Variants in YJEFN3 observed in about 807,000 individuals in gnomAD.
YJEFN3 encodes the protein yjeF N-terminal domain-containing protein 3.
Under a neutral mutation model 31.5 loss-of-function variants are expected in YJEFN3, and 29 were observed. The ratio of observed to expected loss-of-function variants is 0.92; its 90% CI spans 0.69 to 1.26. YJEFN3 has a LOEUF of 1.26. YJEFN3 is among the 50% of genes most tolerant of loss of function. The pLI is 0.00. For synonymous variants in YJEFN3, 227 were observed against 196.1 expected (o/e 1.16, Z -1.32); for missense variants, 442 against 425.4 (o/e 1.04, Z -0.34).
rs750882179 is a variant in YJEFN3 at position 19,529,402 on chromosome 19, G to A, written c.98G>A (p.Arg33Lys). 6.2e-7 allele frequency: 1 copy of A among 1,614,024 alleles called. No homozygotes were observed. Among genetic ancestry groups the A allele is most frequent in the East Asian group, 2.2e-5 (1 of 44,886 alleles). ...ELQPPLADMG[R>K]AELSSNATTS... ...CAGCCCCCACTTGCCGACATGGGAA[G>A]AGCGGAGCTTAGCTCAAATGCTACC... Residue 33 changes from arginine to lysine, a missense_variant, in exon 2 of 7, where the codon AGA becomes AAA. Physicochemically the swap from Arg to Lys is conservative, Grantham distance 26. Coordinates refer to ENST00000514277, the MANE Select transcript of YJEFN3 (RefSeq NM_198537.4).
intron 1 of YJEFN3, 43 bp downstream of exon 1, chr19:19,529,034 TG>T: frequency 3.9e-6 from 6 of 1,548,506 alleles, no homozygotes; most frequent in Non-Finnish European, 5.2e-6. Context: ...ATGGTTCCCA[TG>T]GGGCCAGGAG....
At chr19:19,532,375 G>T (rs1436555092) in intron 2 of YJEFN3, among the ~76,000 whole-genome samples, 1 of 152,224 alleles carries the variant, frequency 6.6e-6, no homozygotes, top group Non-Finnish European at 1.5e-5. Context: ...CGCGGCCAGC[G>T]CATCTTCTGC....
At chr19:19,532,779 A>T in intron 3 of YJEFN3, 39 bp downstream of exon 3, 1 of 1,464,552 alleles carries the variant, frequency 6.8e-7, no homozygotes, top group Admixed American at 2.0e-5. Context: ...CCCCAACCAG[A>T]CGGCCAACTC....
At chr19:19,536,362 C>CTA (rs1371692950) in intron 6 of YJEFN3, among the ~76,000 whole-genome samples, 1 of 152,094 alleles carries the variant, frequency 6.6e-6, no homozygotes, top group Admixed American at 6.5e-5. Context: ...GGCAAGGCTC[C>CTA]TAGGCTGAAA....
chr19:19,535,498 G>A, intron 5 of YJEFN3, 31 bp from the exon 6 acceptor site: 5 of 1,611,992 alleles, frequency 3.1e-6, no homozygotes, highest in Non-Finnish European at 4.2e-6. Context: ...CAGTGGCCCT[G>A]GGCCACCCTG....
rs1381542003 is a variant in YJEFN3 at position 19,535,391 on chromosome 19, G to A, written c.484G>A (p.Asp162Asn). Residue 162 changes from aspartate (D) to asparagine (N), a missense_variant, in exon 5 of 7, where the codon GAC (aspartate) becomes AAC (asparagine). Physicochemically the swap from Asp to Asn is conservative, Grantham distance 23. Transcript: ENST00000514277. ...ACGCTCGCTGGACCTGCTGCATCGGGACCTGACCACCCAGTGCGAGAAGAT... is the reference window on the plus strand; with the variant it reads ...ACGCTCGCTGGACCTGCTGCATCGGAACCTGACCACCCAGTGCGAGAAGAT... ...PTRSLDLLHR[D>N]LTTQCEKMDI... 1 of 1,613,968 alleles carries A rather than the reference G, an allele frequency of 6.2e-7. No individual in the cohort carries two copies.
At chr19:19,532,910 G>A (rs1455513729) in intron 3 of YJEFN3, among the ~76,000 whole-genome samples, 170 bp downstream of exon 3, 2 of 152,188 alleles carry the variant, frequency 1.3e-5, no homozygotes, top group Non-Finnish European at 1.5e-5. Flanking sequence ...GCTGGTGCAG[G>A]CCAGATGGGG....
chr19:19,532,678 C>G lies in YJEFN3; in HGVS notation c.256C>G (p.Arg86Gly). 1 of 1,575,086 alleles carries G rather than the reference C, an allele frequency of 6.3e-7. No individual in the cohort carries two copies. The highest frequency in any genetic ancestry group is 8.6e-7 in the Non-Finnish European group (1 of 1,166,564). Residue 86 changes from arginine to glycine, a missense_variant, in exon 3 of 7, where the codon CGC (arginine) becomes GGC (glycine). By Grantham distance (125) the Arg-to-Gly change is moderately radical. Transcript: ENST00000514277. ...GGAGCGGGAGCTGCTGGAGGATTAT[C>G]GCTTTGGGCGGCAGCAGCTCGTGGA... ...ALERELLEDY[R>G]FGRQQLVELC...
chr19:19,529,135 G>C, intron 1 of YJEFN3, 144 bp downstream of exon 1: 1 of 1,471,240 alleles, frequency 6.8e-7, no homozygotes, highest in Non-Finnish European at 9.0e-7. Context: ...AGGTTCAACG[G>C]CAGAGGCATG....
intron 6 of YJEFN3, chr19:19,536,159 T>A: frequency 3.2e-6 from 1 of 316,768 alleles, no homozygotes; most frequent in African/African-American, 2.2e-5. Context: ...GGAGGCGGCG[T>A]GCTGTCTGAT....
chr19:19,534,863 C>G lies in YJEFN3; in HGVS notation c.319-171C>G. The G allele has an allele frequency of 2.2e-6, 1 of 454,380 alleles. No homozygotes were observed. The highest frequency in any genetic ancestry group is 3.8e-6 in the Non-Finnish European group (1 of 263,912). 28.1% of individuals were successfully genotyped at this position (454,380 alleles called of 1,614,324 possible). On this transcript the variant is annotated intron_variant, in intron 3 of 6. Coordinates refer to ENST00000514277, the MANE Select transcript of YJEFN3 (RefSeq NM_198537.4). This position sits in a 1 kb window ranked among gnomAD's most constrained non-coding sequence, Gnocchi z 4.6. ...GGCCTCTGCATCTCCAGCGGGGAAA[C>G]TGAGGCCCCAAGAGGCCCAACCCCT...
intron 6 of YJEFN3, chr19:19,536,154 C>G (rs559959176): frequency 6.2e-6 from 2 of 324,250 alleles, no homozygotes; most frequent in Non-Finnish European, 1.1e-5. Context: ...CCAAGGGAGG[C>G]GGCGTGCTGT....
chr19:19,535,668 A>T lies in YJEFN3; in HGVS notation c.683A>T (p.Asp228Val). The change falls in exon 6 of 7, where the codon GAC (aspartate) becomes GTC (valine). Residue 228 changes from aspartate to valine, a missense_variant. Physicochemically the swap from Asp to Val is radical, Grantham distance 152. Coordinates refer to ENST00000514277, the MANE Select transcript of YJEFN3 (RefSeq NM_198537.4). The part of the protein sequence containing the change: ...KLLSIPLVSL[D>V]IPSGWDAETG... ...CTGTCCATCCCCCTCGTGAGCCTGG[A>T]CATCCCCTCAGGCATGCCAGGCAGA... The T allele has an allele frequency of 6.4e-7, 1 of 1,561,014 alleles. No individual in the cohort carries two copies. The highest frequency in any genetic ancestry group is 8.7e-7 in the Non-Finnish European group (1 of 1,154,326).
intron 6 of YJEFN3, among the ~76,000 whole-genome samples, chr19:19,536,538 G>C (rs980659664): frequency 3.3e-5 from 5 of 151,862 alleles, no homozygotes; most frequent in African/African-American, 1.2e-4. Flanking sequence ...CATTTGCTGG[G>C]TGTAGTGGTG....
rs765575364 is a variant in YJEFN3, at chr19:19,535,698, G to A, written c.694+19G>A. On this transcript the variant is annotated intron_variant, in intron 6 of 6. Coordinates refer to ENST00000514277, the MANE Select transcript of YJEFN3 (RefSeq NM_198537.4). ...CCCTCAGGCATGCCAGGCAGAGGGG[G>A]GCACATTGGGGCCTGGGGGGCTTGG... 2 of 1,545,720 alleles carry A rather than the reference G, an allele frequency of 1.3e-6. No homozygotes were observed. Among genetic ancestry groups the A allele is most frequent in the South Asian group, 1.2e-5 (1 of 84,372 alleles).
At position 19,537,352 on chromosome 19, in the gene YJEFN3, A is replaced by G; in HGVS notation, c.728A>G (p.Asp243Gly). Residue 243 changes from aspartate to glycine, a missense_variant, in exon 7 of 7, where the codon GAC (aspartate) becomes GGC (glycine). Physicochemically the swap from Asp to Gly is moderately conservative, Grantham distance 94. Transcript: ENST00000514277. ...WDAETGSDSE[D>G]GLRPDVLVSL... ...GCAGAGACCGGCAGCGATTCGGAGG[A>G]CGGGCTGCGGCCTGACGTGCTGGTG... 1 of 1,595,788 alleles carries G rather than the reference A, an allele frequency of 6.3e-7. No homozygotes were observed. Among genetic ancestry groups the G allele is most frequent in the South Asian group, 1.1e-5 (1 of 90,240 alleles).
rs2061124394 is a variant in YJEFN3, at chr19:19,528,913, C to A, written c.-20C>A. 1 of 1,546,678 alleles carries A rather than the reference C, an allele frequency of 6.5e-7. No individual in the cohort carries two copies. The highest frequency in any genetic ancestry group is 2.0e-5 in the Admixed American group (1 of 50,836). ...CGGTGGCGGTGGCGGCAGCGCCCGG[C>A]GCCCGGGCTCACCTCGGCCATGAGC... On this transcript the variant is annotated 5_prime_UTR_variant, in exon 1 of 7. Coordinates refer to ENST00000514277, the MANE Select transcript of YJEFN3 (RefSeq NM_198537.4).
chr19:19,537,416 C>T lies in YJEFN3; in HGVS notation c.792C>T (p.Ser264=), dbSNP rs759482321. 1.1e-5 allele frequency: 18 copies of T among 1,591,044 alleles called. No homozygotes were observed. Among genetic ancestry groups the T allele is most frequent in the Admixed American group, 1.7e-5 (1 of 58,906 alleles). Residue 264 remains serine, a synonymous_variant, in exon 7 of 7, where the codon TCC becomes TCT. Transcript: ENST00000514277. ...AAPKRCAGRF[S]GRHHFVAGRF... ...CCAAGCGCTGCGCTGGCCGCTTCTC[C>T]GGGCGCCACCACTTCGTGGCCGGCA...
At chr19:19,533,673 A>G (rs1240438201) in intron 3 of YJEFN3, 4 of 984,540 alleles carry the variant, frequency 4.1e-6, no homozygotes, top group African/African-American at 3.5e-5. Flanking sequence ...TTACCACGGT[A>G]TACTTTTTAA....
Sources: allele counts gnomAD v4.1 joint callset (sites outside exome capture counted in the v4.1 genomes callset), GRCh38; gene constraint gnomAD v4.1.1; non-coding constraint Gnocchi (gnomAD v3.1); transcripts MANE v1.5; gene names NCBI Gene and HGNC (gene_info 2026-07-23, HGNC 2026-07-21).